The following SH3TC2 variants were observed in gnomAD, a reference collection of about 807,000 sequenced individuals.
SH3TC2 encodes SH3 domain and tetratricopeptide repeat-containing protein 2.
In SH3TC2, 87 loss-of-function variants were observed where a neutral mutation model predicts 124.5. The ratio of observed to expected loss-of-function variants is 0.70; its 90% CI spans 0.59 to 0.84. The LOEUF is 0.84. SH3TC2 is among the 40% of genes least tolerant of loss of function. The pLI is 0.00. For synonymous variants in SH3TC2, 634 were observed against 628.5 expected, an observed-to-expected ratio of 1.01 and a Z score of -0.13; for missense variants, 1,536 against 1,566.4, an observed-to-expected ratio of 0.98 and a Z score of 0.33.
At position 149,030,939 on chromosome 5, in the gene SH3TC2, A is replaced by G. The variant is rs541469880; in HGVS notation, c.1135+615T>C. 7.2e-5 allele frequency among the ~76,000 whole-genome samples: 11 copies of G among 152,356 alleles called. No individual in the cohort carries two copies. The South Asian group carries it at 8.3e-4, about 11-fold the overall frequency. On this transcript the variant is annotated intron_variant, in intron 9 of 16. Coordinates refer to ENST00000515425, the MANE Select transcript of SH3TC2 (RefSeq NM_024577.4). ...CATTCAGTCAGTCAGTCCTTCAGAC[A>G]CTGCTCAAAACCAGTCAGTTTGTCA...
At chr5:149,011,009 A>G (rs1300379347) in intron 13 of SH3TC2, among the ~76,000 whole-genome samples, 1 of 152,212 alleles carries the variant, frequency 6.6e-6, no homozygotes, top group East Asian at 1.9e-4. Context: ...CCTAACCTCC[A>G]CAGCTTCTTT....
intron 12 of SH3TC2, among the ~76,000 whole-genome samples, chr5:149,023,583 C>CTTTTTTTTTTTTTTTTTTTT (rs5872108): frequency 1.9e-5 from 2 of 107,260 alleles, no homozygotes; most frequent in Non-Finnish European, 3.7e-5. Flanking sequence ...TAGTGTAATC[C>CTTTTTTTTTTTTTTTTTTTT]TTTTTTTTTT....
rs186029710 is a variant in SH3TC2, at chr5:149,026,576, C to T, written c.3049G>A (p.Ala1017Thr). 286 of 1,613,900 alleles carry T rather than the reference C, an allele frequency of 1.8e-4. No homozygotes were observed. In the East Asian group the frequency reaches 4.9e-3, roughly 28 times the overall value. Residue 1017 changes from alanine (A) to threonine (T), a missense_variant, in exon 12 of 17, where the codon GCC becomes ACC. Physicochemically the swap from Ala to Thr is moderately conservative, Grantham distance 58. Around this residue, in one of 3 missense-constraint regions of SH3TC2, gnomAD observed 426 missense variants for 443.5 expected, o/e 0.96. Coordinates refer to ENST00000515425, the MANE Select transcript of SH3TC2 (RefSeq NM_024577.4). ...CAGTTCCTGACCCTGACTCACCTGG[C>T]GGTATTTAGGTTCCGATAAAGCTGC... ...LGQLYRNLNT[A>T]RSLRRSLTCI...
rs567621076 is a variant in SH3TC2, at chr5:149,027,549, C to T, written c.2183G>A (p.Gly728Asp). Residue 728 changes from glycine to aspartate, a missense_variant, in exon 11 of 17, where the codon GGC becomes GAC. Coordinates refer to ENST00000515425, the MANE Select transcript of SH3TC2 (RefSeq NM_024577.4). Reference protein sequence around the residue: ...TTKLLGFPSPGWGEVSALACP... With the variant: ...TTKLLGFPSPDWGEVSALACP... ...GGCCAAGGCAGAAACTTCACCCCAG[C>T]CTGGGGAAGGAAAGCCAAGGAGCTT... 18 of 1,614,112 alleles carry T rather than the reference C, an allele frequency of 1.1e-5. No individual in the cohort carries two copies. Among genetic ancestry groups the T allele is most frequent in the Non-Finnish European group, 1.5e-5 (18 of 1,180,056 alleles).
intron 15 of SH3TC2, 105 bp downstream of exon 15, chr5:149,008,746 A>C: frequency 3.3e-6 from 5 of 1,519,948 alleles, no homozygotes; most frequent in Non-Finnish European, 4.6e-6. Context: ...CTGGGATTTG[A>C]ACCCACACAG....
rs1346377750 is a variant in SH3TC2, at chr5:148,993,086, T to C, written c.*11625A>G. On this transcript the variant is annotated 3_prime_UTR_variant, in exon 17 of 17. Transcript: ENST00000515425. ...TACCTGGCCTCACTCCTGGCTTCCA[T>C]AGACGCTTAAGGTGATTAGGCATTT... 6.6e-6 allele frequency among the ~76,000 whole-genome samples: 1 copy of C among 152,204 alleles called. No individual in the cohort carries two copies. The highest frequency in any genetic ancestry group is 1.5e-5 in the Non-Finnish European group (1 of 68,028).
intron 1 of SH3TC2, 94 bp from the exon 2 acceptor site, chr5:149,052,334 T>C: frequency 1.1e-6 from 1 of 882,218 alleles, no homozygotes; most frequent in South Asian, 1.3e-5. Flanking sequence ...GTGACAAATT[T>C]TTTCCAGGAT....
chr5:149,056,143 T>G (rs1754643905), intron 1 of SH3TC2, among the ~76,000 whole-genome samples: 1 of 152,056 alleles, frequency 6.6e-6, no homozygotes, highest in Non-Finnish European at 1.5e-5. Context: ...TCGGGGTACA[T>G]GTGAAGGTTT....
intron 2 of SH3TC2, among the ~76,000 whole-genome samples, chr5:149,048,228 C>G (rs115259259): frequency 1.3e-5 from 2 of 152,144 alleles, no homozygotes; most frequent in African/African-American, 4.8e-5. Flanking sequence ...GATGCACTCA[C>G]GTTGTTTATT....
intron 9 of SH3TC2, among the ~76,000 whole-genome samples, chr5:149,029,688 C>T (rs1754149985): frequency 6.6e-6 from 1 of 152,026 alleles, no homozygotes; most frequent in Non-Finnish European, 1.5e-5. Flanking sequence ...TTACAGAGGC[C>T]AAGGTGACTT....
intron 4 of SH3TC2, 128 bp from the exon 5 acceptor site, chr5:149,042,965 G>T: frequency 9.2e-7 from 1 of 1,088,586 alleles, no homozygotes; most frequent in South Asian, 1.3e-5. Context: ...CCATTTAACT[G>T]GAATTAAAAC....
chr5:149,029,972 T>C (rs577226719), intron 9 of SH3TC2, among the ~76,000 whole-genome samples: 11 of 152,280 alleles, frequency 7.2e-5, no homozygotes, highest in African/African-American at 2.6e-4. Context: ...AGTCAAACCT[T>C]TTCCTGCTGT....
chr5:148,995,342 CT>C lies in SH3TC2; in HGVS notation c.*9368del, dbSNP rs1753491864. ...TGAAAAGGGGAGATAAGGTCACCTT[CT>C]TTGGAGGATCATTTGGAGGATCAAA... On this transcript the variant is annotated 3_prime_UTR_variant, in exon 17 of 17. Transcript: ENST00000515425. Among the ~76,000 whole-genome samples, 1 of 152,160 alleles carries C rather than the reference CT, an allele frequency of 6.6e-6. No individual in the cohort carries two copies. The highest frequency in any genetic ancestry group is 2.1e-4 in the South Asian group (1 of 4,830).
At chr5:149,015,907 T>C (rs1480830568) in intron 12 of SH3TC2, among the ~76,000 whole-genome samples, 1 of 152,228 alleles carries the variant, frequency 6.6e-6, no homozygotes, top group African/African-American at 2.4e-5. Context: ...TTAATCCCCA[T>C]AGAAATCCCA....
At chr5:149,052,595 G>A (rs191334229) in intron 1 of SH3TC2, among the ~76,000 whole-genome samples, 30 of 152,290 alleles carry the variant, frequency 2.0e-4, no homozygotes, top group Middle Eastern at 6.8e-3. Context: ...TTCAATAGGG[G>A]CAGATAATGG....
At chr5:149,042,995 G>C (rs1222550284) in intron 4 of SH3TC2, among the ~76,000 whole-genome samples, 158 bp from the exon 5 acceptor site, 1 of 152,234 alleles carries the variant, frequency 6.6e-6, no homozygotes, top group East Asian at 1.9e-4. Context: ...GGCAAAGCCA[G>C]ACATTTTCTA....
intron 12 of SH3TC2, among the ~76,000 whole-genome samples, chr5:149,018,557 G>A (rs777595059): frequency 6.6e-6 from 1 of 152,090 alleles, no homozygotes; most frequent in Non-Finnish European, 1.5e-5. Flanking sequence ...CCATCAGATC[G>A]CATGAGACTT....
At position 148,984,696 on chromosome 5, in the gene SH3TC2, C is replaced by A. The variant is rs1753306217; in HGVS notation, c.*20015G>T. Among the ~76,000 whole-genome samples the A allele has an allele frequency of 1.3e-5, 2 of 152,092 alleles. No individual in the cohort carries two copies. The highest frequency in any genetic ancestry group is 2.9e-5 in the Non-Finnish European group (2 of 68,020). On this transcript the variant is annotated 3_prime_UTR_variant, in exon 17 of 17. Coordinates refer to ENST00000515425, the MANE Select transcript of SH3TC2 (RefSeq NM_024577.4). ...CCTGAAGGGTAAATGTCCACATTTG[C>A]TTAGATGTTTAGTGGGTATTCCAAC...
intron 4 of SH3TC2, 83 bp downstream of exon 4, chr5:149,044,450 A>T: frequency 9.6e-7 from 1 of 1,046,222 alleles, no homozygotes; most frequent in Non-Finnish European, 1.5e-6. Flanking sequence ...TACCAGAGCC[A>T]GGCCAATTCC....
Sources: gnomAD v4.1 joint callset for allele counts (sites outside exome capture counted in the v4.1 genomes callset) on GRCh38, gnomAD v4.1.1 for gene constraint, gnomAD v4.1.1 regional missense constraint, MANE v1.5 for transcripts, NCBI Gene and HGNC (gene_info 2026-07-23, HGNC 2026-07-21) for gene names.